Variants in USH1C observed in about 807,000 individuals in gnomAD.
USH1C encodes USH1 protein network component harmonin.
A neutral mutation model predicts 119.3 loss-of-function variants in USH1C; 90 were observed. The ratio of observed to expected loss-of-function variants is 0.75; its 90% CI spans 0.64 to 0.90. USH1C has a LOEUF of 0.90. Ranked by LOEUF, USH1C falls within the 40% of genes least tolerant of loss-of-function variation. USH1C has a pLI of 0.00. For synonymous variants in USH1C, 465 were observed against 443.3 expected (o/e 1.05, Z -0.62); for missense variants, 1,165 against 1,167.7 (o/e 1.00, Z 0.03).
At chr11:17,502,332 C>A (rs543941891) in intron 20 of USH1C, among the ~76,000 whole-genome samples, 2 of 152,302 alleles carry the variant, frequency 1.3e-5, no homozygotes, top group East Asian at 3.9e-4. Context: ...TCCTTTAGGC[C>A]CCACCTCATC....
chr11:17,498,354 C>A, intron 23 of USH1C, 83 bp from the exon 24 acceptor site: 1 of 1,273,670 alleles, frequency 7.9e-7, no homozygotes, highest in Non-Finnish European at 1.1e-6. Flanking sequence ...GGGGTCATTG[C>A]CAGACAGCAG....
chr11:17,509,249 G>A, intron 18 of USH1C, 107 bp downstream of exon 18: 1 of 1,429,720 alleles, frequency 7.0e-7, no homozygotes, highest in African/African-American at 1.4e-5. Context: ...GGGGTGAGAT[G>A]ATGTTTCTTT....
rs553257705 is a variant in USH1C at position 17,494,331 on chromosome 11, C to G, written c.*1G>C. On this transcript the variant is annotated 3_prime_UTR_variant, in exon 27 of 27. Transcript: ENST00000005226. ...GAGGTGGGGCCGGAGCTCACTGTTTCCTAACGGTGAATTTGGTTTCCCCTT... is the reference window on the plus strand; with the variant it reads ...GAGGTGGGGCCGGAGCTCACTGTTTGCTAACGGTGAATTTGGTTTCCCCTT... The G allele has an allele frequency of 3.2e-4, 521 of 1,607,916 alleles. 10 individuals carry two copies. The South Asian group carries it at 5.6e-3, about 17-fold the overall frequency.
intron 20 of USH1C, among the ~76,000 whole-genome samples, chr11:17,502,310 C>T (rs1015135580): frequency 6.6e-6 from 1 of 152,146 alleles, no homozygotes; most frequent in Admixed American, 6.5e-5. Context: ...AAGTCTCAGC[C>T]CCAGCCTCAA....
chr11:17,523,307 C>A (rs756573592), intron 10 of USH1C, 40 bp from the exon 11 acceptor site: 1 of 1,614,120 alleles, frequency 6.2e-7, no homozygotes, highest in East Asian at 2.2e-5. Flanking sequence ...GCCTGACAGA[C>A]CACAGCAGTC....
At chr11:17,534,589 C>A (rs950385728) in intron 1 of USH1C, among the ~76,000 whole-genome samples, 1 of 152,166 alleles carries the variant, frequency 6.6e-6, no homozygotes, top group Admixed American at 6.5e-5. Context: ...GAGTTCCCAG[C>A]TAGGGCTGGG....
At chr11:17,533,912 C>T in intron 1 of USH1C, 1 of 349,112 alleles carries the variant, frequency 2.9e-6, no homozygotes, top group Non-Finnish European at 5.9e-6. Flanking sequence ...GCCACTCCTT[C>T]CCCCTCCCCA....
At chr11:17,500,248 GA>G (rs1373677775) in intron 23 of USH1C, among the ~76,000 whole-genome samples, 1 of 152,238 alleles carries the variant, frequency 6.6e-6, no homozygotes, top group Non-Finnish European at 1.5e-5. Context: ...CAAGGCTGCA[GA>G]AGACCTCAGA....
At chr11:17,542,943 G>T (rs752866299) in intron 1 of USH1C, among the ~76,000 whole-genome samples, 24 of 152,138 alleles carry the variant, frequency 1.6e-4, no homozygotes, top group Admixed American at 6.5e-4. Context: ...GACCAGAAAT[G>T]CCCAAGACCT....
At position 17,522,931 on chromosome 11, in the gene USH1C, T is replaced by A. The variant is rs975526751; in HGVS notation, c.877-5A>T. On this transcript the variant is annotated splice_polypyrimidine_tract_variant and splice_region_variant and intron_variant, in intron 11 of 26. Transcript: ENST00000005226. The stretch of plus-strand genomic sequence containing the variant: ...TGTCATGAACAGCTCCCGGCCCTCA[T>A]GGGAGAAAAGAGGCCCCTTGCTCAG... 6.2e-7 allele frequency: 1 copy of A among 1,610,162 alleles called. No individual in the cohort carries two copies.
At chr11:17,506,898 G>C (rs1191656411) in intron 18 of USH1C, among the ~76,000 whole-genome samples, 1 of 152,154 alleles carries the variant, frequency 6.6e-6, no homozygotes, top group Non-Finnish European at 1.5e-5. Context: ...TATCCAGCAG[G>C]GATTCCCAGT....
In USH1C at chr11:17,509,649, G is replaced by A. The variant is rs751432782; in HGVS notation, c.1720C>T (p.His574Tyr). The A allele has an allele frequency of 1.9e-6, 3 of 1,593,706 alleles. No individual in the cohort carries two copies. Among genetic ancestry groups the A allele is most frequent in the South Asian group, 2.2e-5 (2 of 89,070 alleles). ...AGGACAGGGGGCGCCGGGACCTTGT[G>A]GGGTGGGTTGGAGGGTGGAGGGTGG... ...MPHPPPSNPP[H>Y]KVPAPPVLPL... The change falls in exon 18 of 27, where the codon CAC becomes TAC. Residue 574 changes from histidine to tyrosine, a missense_variant. His to Tyr is a moderately conservative substitution (Grantham distance 83). Coordinates refer to ENST00000005226, the MANE Select transcript of USH1C (RefSeq NM_153676.4).
rs1007641421 is a variant in USH1C, at chr11:17,531,166, G to A, written c.375C>T (p.Ser125=). 11 of 1,613,936 alleles carry A rather than the reference G, an allele frequency of 6.8e-6. No individual in the cohort carries two copies. The highest frequency in any genetic ancestry group is 3.3e-5 in the South Asian group (3 of 91,086). The stretch of plus-strand genomic sequence containing the variant: ...TCTGTTTGCTCACCTGGAGCCCGAC[G>A]CTGTCTGCCTGACCGCCTTTGATGA... ...SHLIKGGQAD[S]VGLQVGDEIV... The change falls in exon 4 of 27, where the codon AGC becomes AGT. Residue 125 remains serine (S), a synonymous_variant. Transcript: ENST00000005226. The surrounding 1 kb of genome is among the most constrained non-coding windows in gnomAD (Gnocchi z 4.2).
At position 17,510,501 on chromosome 11, in the gene USH1C, T is replaced by A; in HGVS notation, c.1434A>T (p.Glu478Asp). The change falls in exon 17 of 27, where the codon GAA (glutamate) becomes GAT (aspartate). Residue 478 changes from glutamate (E) to aspartate (D), a missense_variant. Coordinates refer to ENST00000005226, the MANE Select transcript of USH1C (RefSeq NM_153676.4). ...LAQEVSETEREDLEESEKIQY... is the reference protein window; with the variant it reads ...LAQEVSETERDDLEESEKIQY... ...GAATCTTTTCCGATTCTTCAAGGTC[T>A]TCCCGCTCTGTCTCAGACACCTGGG... 1.9e-6 allele frequency: 3 copies of A among 1,613,976 alleles called. No homozygotes were observed. The highest frequency in any genetic ancestry group is 2.5e-6 in the Non-Finnish European group (3 of 1,179,902).
At chr11:17,517,267 G>A (rs1442480157) in intron 14 of USH1C, 5 of 913,456 alleles carry the variant, frequency 5.5e-6, no homozygotes, top group African/African-American at 3.3e-5. Context: ...GCTGGGGCTT[G>A]GAGGAGCTTT....
chr11:17,529,679 C>T (rs568377252), intron 4 of USH1C, among the ~76,000 whole-genome samples: 24 of 152,202 alleles, frequency 1.6e-4, no homozygotes, highest in Non-Finnish European at 3.4e-4. Flanking sequence ...CTTTCCTCCC[C>T]GTCTCGCCCT....
intron 12 of USH1C, among the ~76,000 whole-genome samples, chr11:17,522,331 T>G (rs903127472): frequency 2.6e-5 from 4 of 152,194 alleles, no homozygotes; most frequent in African/African-American, 9.6e-5. Flanking sequence ...CTTGGCCACG[T>G]GTGACGTTAG....
rs1850942111 is a variant in USH1C at position 17,531,006 on chromosome 11, C to T, written c.387+148G>A. On this transcript the variant is annotated intron_variant, in intron 4 of 26. Transcript: ENST00000005226. This position sits in a 1 kb window ranked among gnomAD's most constrained non-coding sequence, Gnocchi z 4.2. ...GGCCTGATTTCTATGAGCCTAAGAA[C>T]ACCCATCAGGATGCGCCAGCCTCTT... 1.6e-6 allele frequency: 2 copies of T among 1,244,058 alleles called. No individual in the cohort carries two copies. The highest frequency in any genetic ancestry group is 2.1e-5 in the Admixed American group (1 of 48,018). The allele number at this position is 1,244,058 out of a possible 1,614,324, so 77.1% of individuals were successfully genotyped here.
intron 15 of USH1C, among the ~76,000 whole-genome samples, chr11:17,512,463 T>C (rs1201836593): frequency 1.3e-5 from 2 of 152,110 alleles, no homozygotes; most frequent in Admixed American, 1.3e-4. Context: ...AATAAAAAAA[T>C]AAATAAGTGC....
Sources: allele counts gnomAD v4.1 joint callset (sites outside exome capture counted in the v4.1 genomes callset), GRCh38; gene constraint gnomAD v4.1.1; non-coding constraint Gnocchi (gnomAD v3.1); transcripts MANE v1.5; gene names NCBI Gene and HGNC (gene_info 2026-07-23, HGNC 2026-07-21).